The following TBC1D5 variants were observed in gnomAD, a reference collection of about 807,000 sequenced individuals.
The protein encoded by TBC1D5 is TBC1 domain family, member 5.
A neutral mutation model predicts 100.3 loss-of-function variants in TBC1D5; 75 were observed. The observed-to-expected ratio is 0.75, with a 90% CI of 0.62 to 0.91. The LOEUF (loss-of-function observed/expected upper bound fraction) is 0.91. Among genes scored for constraint, TBC1D5 ranks in the 40% least tolerant of loss-of-function variants. The pLI is 0.00. For synonymous variants in TBC1D5, 323 were observed against 325.6 expected, an observed-to-expected ratio of 0.99 and a Z score of 0.09; for missense variants, 910 against 942.4, an observed-to-expected ratio of 0.97 and a Z score of 0.45.
Position 17,559,647 on chromosome 3 carries a change from C to T in TBC1D5, c.-35-51042G>A, listed in dbSNP as rs537671107. ...CACTGTTGCCCTGGCTGGAGTGCAA[C>T]GGCGCGATCTCGGCTCACTGCAACC... On this transcript the variant is annotated intron_variant, in intron 2 of 21. Coordinates refer to ENST00000253692, the Ensembl canonical transcript of TBC1D5. Among the ~76,000 whole-genome samples, 13 of 150,594 alleles carry T rather than the reference C, an allele frequency of 8.6e-5. No individual in the cohort carries two copies. The South Asian group carries it at 2.3e-3, about 27-fold the overall frequency.
chr3:17,477,540 G>A (rs759379367), intron 3 of TBC1D5, among the ~76,000 whole-genome samples: 3 of 151,868 alleles, frequency 2.0e-5, no homozygotes, highest in South Asian at 4.1e-4. Context: ...ATAGTATCAC[G>A]CAGAAACTTA....
At chr3:17,705,737 G>A (rs2074051275) in intron 1 of TBC1D5, among the ~76,000 whole-genome samples, 1 of 140,592 alleles carries the variant, frequency 7.1e-6, no homozygotes, top group Admixed American at 7.0e-5. Context: ...GATGGCGGCC[G>A]GGCGGAGACG....
intron 2 of TBC1D5, among the ~76,000 whole-genome samples, chr3:17,570,993 CT>C (rs1350815321): frequency 1.3e-5 from 2 of 151,910 alleles, no homozygotes; most frequent in Middle Eastern, 3.2e-3. Context: ...TATCAGGTGA[CT>C]TTTAGAGACA....
At chr3:17,299,326 G>C (rs1015452673) in intron 14 of TBC1D5, among the ~76,000 whole-genome samples, 2 of 152,094 alleles carry the variant, frequency 1.3e-5, no homozygotes, top group Non-Finnish European at 2.9e-5. Flanking sequence ...TTAAAACTTA[G>C]GAGGTTTTTT....
chr3:17,666,513 T>A (rs1004214844), intron 1 of TBC1D5, among the ~76,000 whole-genome samples: 2 of 152,322 alleles, frequency 1.3e-5, no homozygotes, highest in African/African-American at 4.8e-5. Context: ...AATTCATTAA[T>A]TTTTGCAACA....
intron 1 of TBC1D5, among the ~76,000 whole-genome samples, chr3:17,655,855 G>C (rs902089727): frequency 1.3e-5 from 2 of 152,138 alleles, no homozygotes; most frequent in Non-Finnish European, 2.9e-5. Flanking sequence ...AAGTGATACA[G>C]ACATTTAAAT....
intron 3 of TBC1D5, among the ~76,000 whole-genome samples, chr3:17,484,503 A>T (rs559494972): frequency 7.2e-6 from 1 of 139,502 alleles, no homozygotes; most frequent in Non-Finnish European, 1.5e-5. Flanking sequence ...GGTAACAATC[A>T]TAATTACTCA....
chr3:17,563,820 T>C (rs899852324), intron 2 of TBC1D5, among the ~76,000 whole-genome samples: 1 of 152,246 alleles, frequency 6.6e-6, no homozygotes, highest in African/African-American at 2.4e-5. Context: ...TCTCCCTCTG[T>C]TGCCCAGGCT....
intron 15 of TBC1D5, among the ~76,000 whole-genome samples, chr3:17,278,224 A>G (rs756909682): frequency 5.0e-4 from 76 of 152,338 alleles, no homozygotes; most frequent in Non-Finnish European, 8.8e-4. Context: ...GTGGGACTAC[A>G]GAACTATGTG....
At chr3:17,203,167 T>G (rs1162849879) in intron 18 of TBC1D5, among the ~76,000 whole-genome samples, 1 of 152,188 alleles carries the variant, frequency 6.6e-6, no homozygotes, top group Non-Finnish European at 1.5e-5. Context: ...ATGAGTGTTG[T>G]CTGGATGTCA....
At chr3:17,678,666 T>TTAAAAAAA (rs1222309989) in intron 1 of TBC1D5, among the ~76,000 whole-genome samples, 1 of 109,100 alleles carries the variant, frequency 9.2e-6, no homozygotes, top group African/African-American at 4.2e-5. Flanking sequence ...AAAAGAGGGA[T>TTAAAAAAA]AAAAAAAAAA....
chr3:17,538,476 C>T (rs1287565580), intron 2 of TBC1D5, among the ~76,000 whole-genome samples: 1 of 152,194 alleles, frequency 6.6e-6, no homozygotes, highest in Non-Finnish European at 1.5e-5. Flanking sequence ...GAACAGGGCA[C>T]TTGGATCTTG....
At chr3:17,420,107 A>C (rs575046732) in intron 4 of TBC1D5, among the ~76,000 whole-genome samples, 2 of 151,790 alleles carry the variant, frequency 1.3e-5, no homozygotes, top group Non-Finnish European at 2.9e-5. Context: ...TCTGTGTTTA[A>C]CTCCTCTTTG....
intron 13 of TBC1D5, among the ~76,000 whole-genome samples, chr3:17,310,193 C>A (rs1232223866): frequency 6.6e-6 from 1 of 152,082 alleles, no homozygotes; most frequent in Non-Finnish European, 1.5e-5. Flanking sequence ...CCCTTCTTGA[C>A]TCTGAAGATA....
At chr3:17,629,281 A>C (rs114622619) in intron 1 of TBC1D5, among the ~76,000 whole-genome samples, 2,499 of 152,320 alleles carry the variant, frequency 0.016, 51 homozygotes, top group South Asian at 0.048. Flanking sequence ...TTAGATACAC[A>C]TAAAATACAT....
intron 3 of TBC1D5, among the ~76,000 whole-genome samples, chr3:17,482,340 G>C (rs2095511696): frequency 6.6e-6 from 1 of 152,162 alleles, no homozygotes; most frequent in South Asian, 2.1e-4. Context: ...TAAACACAGA[G>C]ACACTTATTA....
At chr3:17,705,929 G>T in intron 1 of TBC1D5, 1 of 1,108,882 alleles carries the variant, frequency 9.0e-7, no homozygotes, top group South Asian at 1.6e-5. Context: ...CGCGGGGCCC[G>T]TCCGCTCCTC....
chr3:17,684,088 T>C (rs1309901752), intron 1 of TBC1D5, among the ~76,000 whole-genome samples: 2 of 151,984 alleles, frequency 1.3e-5, no homozygotes, highest in Non-Finnish European at 2.9e-5. Flanking sequence ...TTTTTCTTTC[T>C]TTCTTTTTTT....
rs185163072 is a variant in TBC1D5, at chr3:17,213,771, C to T, written c.1752+436G>A. Reference sequence around the variant, plus strand: ...AAAAAAAAAAAAAAGAATTTTACAGCGTATCAAAATAGAATTTAAATGTAG... The same window carrying T: ...AAAAAAAAAAAAAAGAATTTTACAGTGTATCAAAATAGAATTTAAATGTAG... On this transcript the variant is annotated intron_variant, in intron 18 of 21. Coordinates refer to ENST00000253692, the Ensembl canonical transcript of TBC1D5. Among the ~76,000 whole-genome samples, 25 of 143,666 alleles carry T rather than the reference C, an allele frequency of 1.7e-4. No homozygotes were observed. The East Asian group carries it at 2.8e-3, about 16-fold the overall frequency. 94.3% of individuals were successfully genotyped at this position (143,666 alleles called of 152,430 possible). A position where few individuals can be genotyped will look rare whatever the true frequency, so the allele number is the denominator to read the frequency against.
Sources: allele counts gnomAD v4.1 joint callset (sites outside exome capture counted in the v4.1 genomes callset), GRCh38; gene constraint gnomAD v4.1.1; transcripts MANE v1.5; gene names NCBI Gene and HGNC (gene_info 2026-07-23, HGNC 2026-07-21).